The following IL36B variants were observed in gnomAD, a reference collection of about 807,000 sequenced individuals.
IL36B encodes the protein interleukin-36 beta.
A neutral mutation model predicts 19.3 loss-of-function variants in IL36B; 23 were observed. The observed-to-expected ratio is 1.19, with a 90% CI of 0.86 to 1.69. The LOEUF (loss-of-function observed/expected upper bound fraction) is 1.69. IL36B is among the 40% of genes most tolerant of loss of function. IL36B has a pLI of 0.00. For synonymous variants in IL36B, 59 were observed against 59.7 expected (o/e 0.99, Z 0.05); for missense variants, 217 against 200.5 (o/e 1.08, Z -0.50).
chr2:113,028,075 T>C (rs1273511993), intron 4 of IL36B: 2 of 1,614,160 alleles, frequency 1.2e-6, no homozygotes, highest in Non-Finnish European at 1.7e-6. Context: ...AAAGGGCTTC[T>C]GTGCTTTCTT....
At chr2:113,033,754 T>C (rs1311310887) in intron 1 of IL36B, among the ~76,000 whole-genome samples, 1 of 152,174 alleles carries the variant, frequency 6.6e-6, no homozygotes, top group East Asian at 1.9e-4. Flanking sequence ...TTGCATTCAG[T>C]TGAGGATACT....
chr2:113,043,588 G>T (rs1363445567), intron 1 of IL36B, among the ~76,000 whole-genome samples: 1 of 152,110 alleles, frequency 6.6e-6, no homozygotes, highest in Admixed American at 6.5e-5. Flanking sequence ...TTAAGACAGA[G>T]TCTTGCTCTG....
intron 1 of IL36B, among the ~76,000 whole-genome samples, chr2:113,034,741 G>A (rs1685136804): frequency 6.6e-6 from 1 of 152,236 alleles, no homozygotes. Context: ...GTGAGTTCTT[G>A]ACCTCCTCAT....
chr2:113,026,284 A>G (rs775971319), intron 4 of IL36B: 3 of 1,608,518 alleles, frequency 1.9e-6, no homozygotes, highest in South Asian at 1.1e-5. Flanking sequence ...GCCAGGTTAC[A>G]CTGTCTCAAA....
At chr2:113,043,670 C>T (rs1685299006) in intron 1 of IL36B, among the ~76,000 whole-genome samples, 1 of 152,164 alleles carries the variant, frequency 6.6e-6, no homozygotes, top group African/African-American at 2.4e-5. Context: ...AAGCAATTCT[C>T]TATCTTCCAA....
chr2:113,046,410 C>A lies in IL36B; in HGVS notation c.-58+6407G>T, dbSNP rs553603334. On this transcript the variant is annotated intron_variant, in intron 1 of 5. Coordinates refer to ENST00000259213, the MANE Select transcript of IL36B (RefSeq NM_014438.5). ...ATTTTTAGTAGAGACGGTGTTTCAC[C>A]ATGTTAGCCAGTATGGTCTCGATCT... Among the ~76,000 whole-genome samples the A allele has an allele frequency of 2.3e-3, 357 of 152,210 alleles. 2 individuals are homozygous for A. The highest frequency in any genetic ancestry group is 8.1e-3 in the African/African-American group (335 of 41,546).
intron 5 of IL36B, among the ~76,000 whole-genome samples, chr2:113,023,307 C>T (rs568546551): frequency 1.6e-4 from 25 of 152,316 alleles, no homozygotes; most frequent in African/African-American, 6.0e-4. Flanking sequence ...CTGACACTTC[C>T]TTTGAGATAA....
intron 4 of IL36B, chr2:113,027,573 T>G (rs868761850): frequency 9.0e-7 from 1 of 1,108,516 alleles, no homozygotes; most frequent in Middle Eastern, 2.4e-4. Context: ...ACATCATGGG[T>G]TGGCAAAAGG....
chr2:113,051,316 C>T (rs981450316), intron 1 of IL36B, among the ~76,000 whole-genome samples: 1 of 152,252 alleles, frequency 6.6e-6, no homozygotes, highest in Non-Finnish European at 1.5e-5. Context: ...ACGAGGAAAG[C>T]GCCTGAATGT....
At chr2:113,035,111 A>G (rs1324328464) in intron 1 of IL36B, among the ~76,000 whole-genome samples, 4 of 152,366 alleles carry the variant, frequency 2.6e-5, no homozygotes, top group Admixed American at 6.5e-5. Context: ...GAAGGCTCTC[A>G]TGACTCCATG....
At chr2:113,028,016 A>C in intron 4 of IL36B, 1 of 1,614,192 alleles carries the variant, frequency 6.2e-7, no homozygotes, top group Non-Finnish European at 8.5e-7. Context: ...CCAGGGTAAG[A>C]GACTGACTGA....
intron 3 of IL36B, 136 bp from the exon 4 acceptor site, chr2:113,029,214 A>C: frequency 1.2e-6 from 1 of 829,540 alleles, no homozygotes; most frequent in Non-Finnish European, 1.8e-6. Context: ...CCCTCCTCAA[A>C]CCTATTTTGT....
At chr2:113,024,973 G>A (rs1455780050) in intron 5 of IL36B, among the ~76,000 whole-genome samples, 3 of 152,142 alleles carry the variant, frequency 2.0e-5, no homozygotes, top group African/African-American at 7.2e-5. Flanking sequence ...ATTTGCAATG[G>A]TGAATTTCCC....
chr2:113,037,913 G>T (rs767304032), intron 1 of IL36B, among the ~76,000 whole-genome samples: 7 of 152,252 alleles, frequency 4.6e-5, no homozygotes, highest in Non-Finnish European at 8.8e-5. Flanking sequence ...AGAAGTGGGT[G>T]GCTGATACTA....
chr2:113,036,893 C>T (rs1365935492), intron 1 of IL36B, among the ~76,000 whole-genome samples: 1 of 152,230 alleles, frequency 6.6e-6, no homozygotes, highest in East Asian at 1.9e-4. Flanking sequence ...CCCTGTGTAG[C>T]CTGCCTATCT....
At position 113,028,120 on chromosome 2, in the gene IL36B, G is replaced by T. The variant is rs776685453; in HGVS notation, c.261+819C>A. The stretch of plus-strand genomic sequence containing the variant: ...CAGGTCCATGATATTTTTTTCCTGG[G>T]GGTGGAAAAGAGGCTTGTTAGAGAG... On this transcript the variant is annotated intron_variant, in intron 4 of 5. Coordinates refer to ENST00000259213, the MANE Select transcript of IL36B (RefSeq NM_014438.5). 6.2e-7 allele frequency: 1 copy of T among 1,612,974 alleles called. No individual in the cohort carries two copies. Among genetic ancestry groups the T allele is most frequent in the Non-Finnish European group, 8.5e-7 (1 of 1,179,224 alleles).
intron 1 of IL36B, among the ~76,000 whole-genome samples, chr2:113,045,695 C>T (rs939403919): frequency 6.6e-6 from 1 of 152,026 alleles, no homozygotes; most frequent in Admixed American, 6.6e-5. Flanking sequence ...TATTTTGGAA[C>T]ATTTCTATTT....
chr2:113,045,260 A>T (rs1029738799), intron 1 of IL36B, among the ~76,000 whole-genome samples: 1 of 152,110 alleles, frequency 6.6e-6, no homozygotes, highest in Admixed American at 6.5e-5. Flanking sequence ...CATAATTGAC[A>T]ATGTTTTTTT....
chr2:113,042,837 T>TA (rs367550154), intron 1 of IL36B, among the ~76,000 whole-genome samples: 34 of 152,322 alleles, frequency 2.2e-4, no homozygotes, highest in African/African-American at 7.9e-4. Context: ...ATAGGGTTGG[T>TA]ATATGTTAAC....
Sources: allele counts gnomAD v4.1 joint callset (sites outside exome capture counted in the v4.1 genomes callset), GRCh38; gene constraint gnomAD v4.1.1; transcripts MANE v1.5; gene names NCBI Gene and HGNC (gene_info 2026-07-23, HGNC 2026-07-21).